MYO3A: variants seen among roughly 807,000 people sequenced by gnomAD.
MYO3A encodes myosin-IIIa.
In MYO3A, 180 loss-of-function variants were observed where a neutral mutation model predicts 192.7. That is an observed-to-expected ratio of 0.93 (90% CI 0.83 to 1.06). The LOEUF is 1.06. Ranked by LOEUF, MYO3A falls within the 50% of genes least tolerant of loss-of-function variation. The pLI is 0.00. For missense variants in MYO3A, 1,896 were observed against 1,905.0 expected (o/e 1.00, Z 0.09); for synonymous variants, 628 against 645.3 (o/e 0.97, Z 0.41).
chr10:26,002,581 A>AGTCAGGGTGGACCAGGTAATCGGAATG (rs1564448300), intron 6 of MYO3A, among the ~76,000 whole-genome samples: 8 of 145,652 alleles, frequency 5.5e-5, no homozygotes, highest in African/African-American at 2.2e-4. Context: ...TAATCGGAAT[A>AGTCAGGGTGGACCAGGTAATCGGAATG]AGTCAGGGTG....
At chr10:26,142,857 A>G (rs1298620672) in intron 20 of MYO3A, among the ~76,000 whole-genome samples, 2 of 152,180 alleles carry the variant, frequency 1.3e-5, no homozygotes, top group Non-Finnish European at 2.9e-5. Flanking sequence ...TAAAGTCTGG[A>G]ACATAATTTT....
intron 20 of MYO3A, among the ~76,000 whole-genome samples, chr10:26,139,445 G>A (rs573970550): frequency 6.6e-6 from 1 of 152,176 alleles, no homozygotes; most frequent in Admixed American, 6.5e-5. Flanking sequence ...CTCCATGTTG[G>A]TCAGGCTGGT....
chr10:26,183,409 G>A (rs184836837), intron 31 of MYO3A, among the ~76,000 whole-genome samples: 30 of 152,298 alleles, frequency 2.0e-4, no homozygotes, highest in African/African-American at 5.8e-4. Flanking sequence ...TATAGTCCCA[G>A]CTACTCAGGA....
Position 26,125,577 on chromosome 10 carries a change from A to T in MYO3A, c.2083A>T (p.Asn695Tyr). The T allele has an allele frequency of 1.2e-6, 2 of 1,614,060 alleles. No individual in the cohort carries two copies. Among genetic ancestry groups the T allele is most frequent in the Non-Finnish European group, 8.5e-7 (1 of 1,179,906 alleles). Residue 695 changes from asparagine (N) to tyrosine (Y), a missense_variant, in exon 19 of 35, where the codon AAC becomes TAC. Physicochemically the swap from Asn to Tyr is moderately radical, Grantham distance 143. Coordinates refer to ENST00000642920, the MANE Select transcript of MYO3A (RefSeq NM_017433.5). ...CTTTAGTTGGATAGTCAATTGCATT[A>T]ACAGTTTGTTGAAGCATGACTCATC... ...RLFSWIVNCI[N>Y]SLLKHDSSPS...
At position 26,053,271 on chromosome 10, in the gene MYO3A, A is replaced by T. The variant is rs183330615; in HGVS notation, c.954-13704A>T. Among the ~76,000 whole-genome samples, 6 of 152,348 alleles carry T rather than the reference A, an allele frequency of 3.9e-5. No homozygotes were observed. The Middle Eastern group carries it at 0.01, about 259-fold the overall frequency. On this transcript the variant is annotated intron_variant, in intron 10 of 34. Coordinates refer to ENST00000642920, the MANE Select transcript of MYO3A (RefSeq NM_017433.5). ...TCTTAGAATATTTAATTTGTTTATA[A>T]CCAGAGTGTAAAAATAAAAATACGT... is the stretch of plus-strand genomic sequence containing the variant.
At chr10:26,080,252 T>G (rs1588916636) in intron 14 of MYO3A, among the ~76,000 whole-genome samples, 1 of 152,298 alleles carries the variant, frequency 6.6e-6, no homozygotes, top group Admixed American at 6.5e-5. Context: ...TTTGTTGGAT[T>G]AGGTTAATTT....
At chr10:26,077,790 G>A (rs563607035) in intron 14 of MYO3A, among the ~76,000 whole-genome samples, 3 of 152,150 alleles carry the variant, frequency 2.0e-5, no homozygotes, top group South Asian at 4.1e-4. Context: ...ATTATGTGGT[G>A]TATCACATTT....
chr10:26,209,224 C>G (rs573509996), intron 34 of MYO3A, among the ~76,000 whole-genome samples: 106 of 152,260 alleles, frequency 7.0e-4, no homozygotes, highest in African/African-American at 2.3e-3. Context: ...GAAACCTTCC[C>G]TTTGTGCACT....
chr10:26,131,667 G>T lies in MYO3A; in HGVS notation c.2262+3129G>T, dbSNP rs115925155. On this transcript the variant is annotated intron_variant, in intron 20 of 34. Coordinates refer to ENST00000642920, the MANE Select transcript of MYO3A (RefSeq NM_017433.5). ...GTGTATAGAAGCATTATTTTTCTAT[G>T]TGTAAAATATGTAGCTCCTAAAATT... Among the ~76,000 whole-genome samples, 597 of 152,192 alleles carry T rather than the reference G, an allele frequency of 3.9e-3. 5 individuals carry two copies. The highest frequency in any genetic ancestry group is 0.014 in the African/African-American group (570 of 41,518).
At chr10:26,093,580 C>T (rs552026198) in intron 15 of MYO3A, among the ~76,000 whole-genome samples, 2 of 152,260 alleles carry the variant, frequency 1.3e-5, no homozygotes, top group South Asian at 4.1e-4. Context: ...GATTCCTCTC[C>T]TACCTCCCTG....
Position 26,193,224 on chromosome 10 carries a change from G to A in MYO3A, c.4458G>A (p.Glu1486=). ...TTATAGGTGTCTGTAAAGGAGAGGA[G>A]CCAAAAATATTGAGACCCCCAAGAC... The part of the protein sequence containing the change: ...QCLSGVCKGE[E]PKILRPPRRP... Residue 1486 remains glutamate (E), a synonymous_variant, in exon 32 of 35, where the codon GAG becomes GAA. Transcript: ENST00000642920. 2 of 1,613,646 alleles carry A rather than the reference G, an allele frequency of 1.2e-6. No individual in the cohort carries two copies. The highest frequency in any genetic ancestry group is 2.2e-5 in the East Asian group (1 of 44,874).
intron 10 of MYO3A, among the ~76,000 whole-genome samples, chr10:26,059,102 T>A (rs908679943): frequency 6.6e-6 from 1 of 152,208 alleles, no homozygotes; most frequent in Non-Finnish European, 1.5e-5. Flanking sequence ...TCTTTCAGAT[T>A]TTCAACATAA....
intron 10 of MYO3A, among the ~76,000 whole-genome samples, chr10:26,047,774 C>CAAAAAAAAAAAAAAAAAAAAAAAAAAA (rs1423133061): frequency 6.0e-5 from 9 of 151,138 alleles, no homozygotes; most frequent in African/African-American, 2.0e-4. Context: ...GACTCCATCT[C>CAAAAAAAAAAAAAAAAAAAAAAAAAAA]AATAAAAAAA....
chr10:26,110,869 C>CTT (rs398054216), intron 17 of MYO3A, among the ~76,000 whole-genome samples: 3,039 of 130,388 alleles, frequency 0.023, 47 homozygotes, highest in Non-Finnish European at 0.035. Context: ...GTTTTCTTTT[C>CTT]TTTTTTTTTT....
chr10:26,106,903 T>C (rs540606073), intron 17 of MYO3A, among the ~76,000 whole-genome samples: 1 of 148,686 alleles, frequency 6.7e-6, no homozygotes, highest in South Asian at 2.2e-4. Context: ...TTTTTGCATC[T>C]ATATATTTAG....
At chr10:26,202,848 T>G in intron 33 of MYO3A, 116 bp from the exon 34 acceptor site, 3 of 1,141,216 alleles carry the variant, frequency 2.6e-6, no homozygotes, top group South Asian at 1.4e-5. Context: ...TCTATTGACA[T>G]GTGTATGTTA....
chr10:26,083,624 T>G (rs1307625427), intron 14 of MYO3A, among the ~76,000 whole-genome samples: 2 of 152,244 alleles, frequency 1.3e-5, no homozygotes, highest in Non-Finnish European at 1.5e-5. Context: ...ATGTTAGCTG[T>G]GAATTTTTCA....
intron 14 of MYO3A, among the ~76,000 whole-genome samples, chr10:26,081,484 ATCC>A (rs1256343323): frequency 1.3e-5 from 2 of 152,058 alleles, no homozygotes; most frequent in African/African-American, 4.8e-5. Flanking sequence ...GCCGCAGGCT[ATCC>A]TCCTCCCAGC....
At chr10:26,130,098 G>C (rs1839444605) in intron 20 of MYO3A, among the ~76,000 whole-genome samples, 1 of 151,512 alleles carries the variant, frequency 6.6e-6, no homozygotes, top group Non-Finnish European at 1.5e-5. Context: ...TAAAATGTTA[G>C]TTTACAAATT....
Sources: allele counts gnomAD v4.1 joint callset (sites outside exome capture counted in the v4.1 genomes callset), GRCh38; gene constraint gnomAD v4.1.1; transcripts MANE v1.5; gene names NCBI Gene and HGNC (gene_info 2026-07-23, HGNC 2026-07-21).